The following ANXA3 variants were observed in gnomAD, a reference collection of about 807,000 sequenced individuals.
ANXA3 encodes 35-alpha calcimedin.
ANXA3 carries 46 observed loss-of-function variants against 48.8 expected under a neutral mutation model. That is an observed-to-expected ratio of 0.94 (90% CI 0.74 to 1.21). The LOEUF is 1.21. Ranked by LOEUF, ANXA3 falls within the 50% of genes most tolerant of loss-of-function variation. The pLI, the probability that ANXA3 is intolerant of heterozygous loss-of-function variation, is 0.00. For synonymous variants in ANXA3, 128 were observed against 134.7 expected (o/e 0.95, Z 0.35); for missense variants, 383 against 378.6 (o/e 1.01, Z -0.10).
At chr4:78,591,709 G>T (rs755008322) in intron 7 of ANXA3, 86 bp downstream of exon 7, 248 of 915,484 alleles carry the variant, frequency 2.7e-4, no homozygotes, top group Non-Finnish European at 4.0e-4. Context: ...TAACCAAACT[G>T]AGACAATGAG....
intron 2 of ANXA3, among the ~76,000 whole-genome samples, chr4:78,562,099 G>GA (rs1278677889): frequency 6.6e-6 from 1 of 152,122 alleles, no homozygotes; most frequent in Non-Finnish European, 1.5e-5. Context: ...TTAACCATTG[G>GA]AAAAGCCTGG....
chr4:78,591,011 C>T lies in ANXA3; in HGVS notation c.404-533C>T, dbSNP rs184947306. Among the ~76,000 whole-genome samples, 4 of 152,282 alleles carry T rather than the reference C, an allele frequency of 2.6e-5. No homozygotes were observed. The East Asian group carries it at 5.8e-4, about 22-fold the overall frequency. ...TGCCCAAGATGCAGATATCAGTTCACATGTAAGGCAGTTGGATGGAGGAAG... is the reference window on the plus strand; with the variant it reads ...TGCCCAAGATGCAGATATCAGTTCATATGTAAGGCAGTTGGATGGAGGAAG... On this transcript the variant is annotated intron_variant, in intron 6 of 12. Coordinates refer to ENST00000264908, the MANE Select transcript of ANXA3 (RefSeq NM_005139.3).
chr4:78,606,447 A>G (rs888198153), intron 12 of ANXA3, among the ~76,000 whole-genome samples: 4 of 152,174 alleles, frequency 2.6e-5, no homozygotes, highest in African/African-American at 9.7e-5. Flanking sequence ...TCAAGCCCCT[A>G]CAAGGCTGGA....
chr4:78,558,303 T>C (rs2109924086), intron 2 of ANXA3, among the ~76,000 whole-genome samples: 1 of 152,354 alleles, frequency 6.6e-6, no homozygotes, highest in South Asian at 2.1e-4. Flanking sequence ...GTTCTGAAGA[T>C]GTTTCAAAAC....
At chr4:78,560,866 A>G (rs1420467599) in intron 2 of ANXA3, among the ~76,000 whole-genome samples, 1 of 152,186 alleles carries the variant, frequency 6.6e-6, no homozygotes, top group African/African-American at 2.4e-5. Context: ...TACATTCCTA[A>G]TTATACTACA....
At chr4:78,586,193 A>G in intron 5 of ANXA3, 67 bp from the exon 6 acceptor site, 2 of 1,261,828 alleles carry the variant, frequency 1.6e-6, no homozygotes, top group Admixed American at 1.8e-5. Context: ...ACAAGATAAT[A>G]AGACCAAAAG....
chr4:78,566,441 A>ATACTG (rs33937505), intron 2 of ANXA3, among the ~76,000 whole-genome samples: 1 of 13,982 alleles, frequency 7.2e-5, no homozygotes, highest in Non-Finnish European at 3.6e-4. Flanking sequence ...TGAATGTAGA[A>ATACTG]TACTATACTA....
chr4:78,582,089 T>C (rs1723082595), intron 4 of ANXA3, 88 bp from the exon 5 acceptor site: 2 of 755,520 alleles, frequency 2.6e-6, no homozygotes, highest in Admixed American at 2.3e-5. Context: ...TGTCTGATTT[T>C]GATACATATG....
At chr4:78,554,560 G>T in intron 2 of ANXA3, 72 bp downstream of exon 2, 1 of 1,418,352 alleles carries the variant, frequency 7.1e-7, no homozygotes, top group Non-Finnish European at 9.9e-7. Flanking sequence ...GGTCAAGATA[G>T]CAAGGAAAAT....
chr4:78,569,222 T>A lies in ANXA3; in HGVS notation c.16-3958T>A, dbSNP rs147463810. Among the ~76,000 whole-genome samples the A allele has an allele frequency of 9.2e-3, 1,397 of 152,336 alleles. 28 individuals are homozygous for A. The highest frequency in any genetic ancestry group is 0.031 in the African/African-American group (1,289 of 41,574). On this transcript the variant is annotated intron_variant, in intron 2 of 12. Coordinates refer to ENST00000264908, the MANE Select transcript of ANXA3 (RefSeq NM_005139.3). ...TCAAGTTTCAGAAAAGGAAAGCAACTAAATGTGTTTAAATGTGTGGATGGA... is the reference window on the plus strand; with the variant it reads ...TCAAGTTTCAGAAAAGGAAAGCAACAAAATGTGTTTAAATGTGTGGATGGA...
intron 2 of ANXA3, among the ~76,000 whole-genome samples, chr4:78,572,542 G>A (rs1194110607): frequency 6.6e-6 from 1 of 152,178 alleles, no homozygotes; most frequent in Non-Finnish European, 1.5e-5. Context: ...GGGGCATGCT[G>A]ATTGGTTGGA....
intron 2 of ANXA3, among the ~76,000 whole-genome samples, chr4:78,556,556 G>T (rs536424678): frequency 6.6e-6 from 1 of 152,060 alleles, no homozygotes; most frequent in East Asian, 1.9e-4. Flanking sequence ...TGGAGGGCAA[G>T]TTTAAAGAAA....
At chr4:78,558,782 G>A (rs540067633) in intron 2 of ANXA3, among the ~76,000 whole-genome samples, 1 of 152,236 alleles carries the variant, frequency 6.6e-6, no homozygotes, top group African/African-American at 2.4e-5. Context: ...ATATCTTATT[G>A]GTTTGTACTC....
intron 12 of ANXA3, among the ~76,000 whole-genome samples, chr4:78,605,620 A>G (rs1393834739): frequency 6.6e-6 from 1 of 151,994 alleles, no homozygotes; most frequent in Non-Finnish European, 1.5e-5. Context: ...TCAATCTTTC[A>G]CAGTATTTTA....
chr4:78,555,890 A>T (rs1157139323), intron 2 of ANXA3, among the ~76,000 whole-genome samples: 1 of 152,066 alleles, frequency 6.6e-6, no homozygotes, highest in Non-Finnish European at 1.5e-5. Context: ...ATTGAAAAAA[A>T]CATAAATATC....
chr4:78,603,327 C>G (rs115593333), intron 11 of ANXA3: 2 of 152,256 alleles, frequency 1.3e-5, no homozygotes, highest in South Asian at 4.1e-4. Flanking sequence ...AGTATGTTGG[C>G]CATCATTAGG....
At chr4:78,593,098 A>G (rs1215957808) in intron 7 of ANXA3, among the ~76,000 whole-genome samples, 1 of 140,048 alleles carries the variant, frequency 7.1e-6, no homozygotes, top group Non-Finnish European at 1.5e-5. Flanking sequence ...AAGTATTTGT[A>G]CATGAACACA....
intron 12 of ANXA3, among the ~76,000 whole-genome samples, chr4:78,605,068 A>G (rs1421978382): frequency 6.6e-6 from 1 of 152,228 alleles, no homozygotes; most frequent in African/African-American, 2.4e-5. Context: ...TCCATGAGGA[A>G]TGTATGAGAA....
intron 12 of ANXA3, among the ~76,000 whole-genome samples, chr4:78,609,051 C>A (rs7670036): frequency 6.6e-6 from 1 of 151,830 alleles, no homozygotes; most frequent in African/African-American, 2.4e-5. Flanking sequence ...TATATAAAAA[C>A]GAAGAATATT....
Sources: allele counts gnomAD v4.1 joint callset (sites outside exome capture counted in the v4.1 genomes callset), GRCh38; gene constraint gnomAD v4.1.1; transcripts MANE v1.5; gene names NCBI Gene and HGNC (gene_info 2026-07-23, HGNC 2026-07-21).